Variants in SEMA6D observed in about 807,000 individuals in gnomAD.
SEMA6D encodes the protein semaphorin 6D.
SEMA6D carries 35 observed loss-of-function variants against 106.6 expected under a neutral mutation model. The ratio of observed to expected loss-of-function variants is 0.33; its 90% confidence interval spans 0.25 to 0.44. The LOEUF is 0.44. SEMA6D is among the 20% of genes least tolerant of loss of function. SEMA6D has a pLI of 1.00. For synonymous variants in SEMA6D, 499 were observed against 487.7 expected, an observed-to-expected ratio of 1.02 and a Z score of -0.31; for missense variants, 1,185 against 1,345.9, an observed-to-expected ratio of 0.88 and a Z score of 1.87.
At chr15:47,579,104 A>G (rs903887183) in intron 3 of SEMA6D, among the ~76,000 whole-genome samples, 1 of 148,230 alleles carries the variant, frequency 6.7e-6, no homozygotes, top group African/African-American at 2.5e-5. Flanking sequence ...TGAAAGTTAC[A>G]CTCTGTAGGC....
At chr15:47,475,323 C>G (rs558409888) in intron 3 of SEMA6D, among the ~76,000 whole-genome samples, 1 of 152,112 alleles carries the variant, frequency 6.6e-6, no homozygotes, top group African/African-American at 2.4e-5. Flanking sequence ...AAGTATCATC[C>G]CCATTTTTCA....
At chr15:47,197,439 A>G (rs937500356) in intron 1 of SEMA6D, among the ~76,000 whole-genome samples, 5 of 152,094 alleles carry the variant, frequency 3.3e-5, no homozygotes, top group African/African-American at 1.2e-4. Flanking sequence ...ACAGATGTGC[A>G]TAGACTGCTC....
intron 2 of SEMA6D, among the ~76,000 whole-genome samples, chr15:47,460,147 C>T (rs2042461204): frequency 6.6e-6 from 1 of 152,060 alleles, no homozygotes; most frequent in Non-Finnish European, 1.5e-5. Flanking sequence ...AACATTCTGA[C>T]ACTCAGCTAT....
intron 3 of SEMA6D, among the ~76,000 whole-genome samples, chr15:47,511,711 G>A (rs184817860): frequency 6.6e-6 from 1 of 152,270 alleles, no homozygotes; most frequent in Admixed American, 6.5e-5. Flanking sequence ...GGGTAGAGAG[G>A]AAATCAAGGG....
intron 4 of SEMA6D, among the ~76,000 whole-genome samples, chr15:47,658,129 T>C (rs1196492966): frequency 1.3e-5 from 2 of 152,212 alleles, no homozygotes; most frequent in Admixed American, 6.5e-5. Flanking sequence ...GATATTTTTA[T>C]GATGCAAATG....
At chr15:47,745,285 C>A (rs78056735) in intron 1 of SEMA6D, among the ~76,000 whole-genome samples, 1 of 152,218 alleles carries the variant, frequency 6.6e-6, no homozygotes, top group Non-Finnish European at 1.5e-5. Flanking sequence ...CTCCTTCCGT[C>A]CTCAGCAACT....
intron 17 of SEMA6D, among the ~76,000 whole-genome samples, chr15:47,767,820 T>A (rs1318316254): frequency 6.6e-6 from 1 of 152,234 alleles, no homozygotes; most frequent in Non-Finnish European, 1.5e-5. Flanking sequence ...CTCCCGGTCC[T>A]ATTGCTGCTT....
chr15:47,299,647 A>G (rs1300095533), intron 1 of SEMA6D, among the ~76,000 whole-genome samples: 1 of 152,248 alleles, frequency 6.6e-6, no homozygotes, highest in African/African-American at 2.4e-5. Context: ...GACATAAATC[A>G]GAATATGTGT....
chr15:47,510,507 C>T (rs1406016927), intron 3 of SEMA6D, among the ~76,000 whole-genome samples: 2 of 152,106 alleles, frequency 1.3e-5, no homozygotes, highest in Admixed American at 6.6e-5. Flanking sequence ...TGTGGATCAC[C>T]AAATATGTGC....
At chr15:47,342,006 G>GTTTT (rs11335489) in intron 1 of SEMA6D, among the ~76,000 whole-genome samples, 11 of 147,484 alleles carry the variant, frequency 7.5e-5, no homozygotes, top group African/African-American at 2.5e-4. Context: ...TTTACCCTGT[G>GTTTT]TTTTTTTTTT....
intron 3 of SEMA6D, among the ~76,000 whole-genome samples, chr15:47,495,425 G>T (rs1440989759): frequency 6.6e-6 from 1 of 152,000 alleles, no homozygotes; most frequent in Non-Finnish European, 1.5e-5. Flanking sequence ...TTGTGGAGTA[G>T]CAGGGGTTAG....
chr15:47,311,100 A>G (rs1214411006), intron 1 of SEMA6D, among the ~76,000 whole-genome samples: 1 of 152,222 alleles, frequency 6.6e-6, no homozygotes, highest in African/African-American at 2.4e-5. Flanking sequence ...CCTGTTCAAG[A>G]TATTTTATCA....
At chr15:47,394,877 T>C (rs1394132648) in intron 1 of SEMA6D, among the ~76,000 whole-genome samples, 2 of 152,164 alleles carry the variant, frequency 1.3e-5, no homozygotes, top group African/African-American at 2.4e-5. Flanking sequence ...TAAGACATTA[T>C]GTGAAGTGGC....
chr15:47,267,000 C>T (rs1416787469), intron 1 of SEMA6D, among the ~76,000 whole-genome samples: 1 of 152,152 alleles, frequency 6.6e-6, no homozygotes, highest in East Asian at 1.9e-4. Context: ...TGGAGCTCCT[C>T]TCTGTGTCAT....
At chr15:47,425,719 GGA>G (rs2041312938) in intron 2 of SEMA6D, among the ~76,000 whole-genome samples, 1 of 148,270 alleles carries the variant, frequency 6.7e-6, no homozygotes, top group Non-Finnish European at 1.5e-5. Flanking sequence ...TACCCGGGCT[GGA>G]GTGCGGTGGC....
chr15:47,617,642 G>A lies in SEMA6D; in HGVS notation c.-55+16746G>A, dbSNP rs561196347. On this transcript the variant is annotated intron_variant, in intron 4 of 19. Coordinates refer to the SEMA6D transcript ENST00000558014. ...TCTTTCTTTGAGAAACATTTAGCAC[G>A]GTTTCTAAATATACCCTGCAGAGTT... Among the ~76,000 whole-genome samples, 7 of 152,214 alleles carry A rather than the reference G, an allele frequency of 4.6e-5. No homozygotes were observed. The South Asian group carries it at 8.3e-4, about 18-fold the overall frequency.
chr15:47,470,052 A>G (rs2042786787), intron 2 of SEMA6D, among the ~76,000 whole-genome samples: 1 of 152,200 alleles, frequency 6.6e-6, no homozygotes, highest in African/African-American at 2.4e-5. Context: ...TTCTAGTTGA[A>G]TCTTGTCTAC....
chr15:47,744,477 G>C (rs2081004482), intron 1 of SEMA6D, among the ~76,000 whole-genome samples: 1 of 152,110 alleles, frequency 6.6e-6, no homozygotes, highest in Non-Finnish European at 1.5e-5. Context: ...GACATGATCT[G>C]CTAGCCTGTG....
At chr15:47,548,444 A>G (rs1443731128) in intron 3 of SEMA6D, among the ~76,000 whole-genome samples, 1 of 152,152 alleles carries the variant, frequency 6.6e-6, no homozygotes, top group Non-Finnish European at 1.5e-5. Context: ...GAAATGGGGA[A>G]GTATACAAAG....
Sources: gnomAD v4.1 joint callset for allele counts (sites outside exome capture counted in the v4.1 genomes callset) on GRCh38, gnomAD v4.1.1 for gene constraint, MANE v1.5 for transcripts, NCBI Gene and HGNC (gene_info 2026-07-23, HGNC 2026-07-21) for gene names.